Variants in PPIL6 observed in about 807,000 individuals in gnomAD.
PPIL6 encodes the protein probable inactive peptidyl-prolyl cis-trans isomerase-like 6.
Under a neutral mutation model 36.8 loss-of-function variants are expected in PPIL6, and 39 were observed. That is an observed-to-expected ratio of 1.06 (90% CI 0.82 to 1.38). The LOEUF is 1.38. Ranked by LOEUF, PPIL6 falls within the 40% of genes most tolerant of loss-of-function variation. The pLI, the probability that PPIL6 is intolerant of heterozygous loss-of-function variation, is 0.00. For synonymous variants in PPIL6, 123 were observed against 134.1 expected, an observed-to-expected ratio of 0.92 and a Z score of 0.57; for missense variants, 368 against 379.1, an observed-to-expected ratio of 0.97 and a Z score of 0.24.
chr6:109,403,784 C>CT (rs1196046444), intron 6 of PPIL6, among the ~76,000 whole-genome samples: 1 of 152,058 alleles, frequency 6.6e-6, no homozygotes, highest in Non-Finnish European at 1.5e-5. Context: ...TTGTGTTAAG[C>CT]TTAACAAAAG....
chr6:109,416,455 AG>A (rs777194977), intron 6 of PPIL6, among the ~76,000 whole-genome samples: 9 of 150,218 alleles, frequency 6.0e-5, no homozygotes, highest in Non-Finnish European at 1.0e-4. Flanking sequence ...CACCCGCCTC[AG>A]CCTCCCAAAG....
chr6:109,402,631 T>C (rs929604221), intron 6 of PPIL6, among the ~76,000 whole-genome samples: 1 of 152,158 alleles, frequency 6.6e-6, no homozygotes, highest in African/African-American at 2.4e-5. Context: ...GAACCATTGC[T>C]ATAAAGGGAC....
intron 5 of PPIL6, among the ~76,000 whole-genome samples, chr6:109,424,855 A>T (rs1773733213): frequency 6.6e-6 from 1 of 152,230 alleles, no homozygotes; most frequent in Admixed American, 6.5e-5. Flanking sequence ...GGAAGCATGA[A>T]TTATCCACCT....
chr6:109,412,512 C>T (rs1773058318), intron 6 of PPIL6, among the ~76,000 whole-genome samples: 1 of 152,132 alleles, frequency 6.6e-6, no homozygotes, highest in South Asian at 2.1e-4. Flanking sequence ...CTATAGTAAC[C>T]AAAACAGCAT....
At chr6:109,400,833 GTTTATT>G (rs1772498125) in intron 6 of PPIL6, among the ~76,000 whole-genome samples, 2 of 151,946 alleles carry the variant, frequency 1.3e-5, no homozygotes, top group South Asian at 4.1e-4. Flanking sequence ...GAAATTAATT[GTTTATT>G]TTTAGTGATC....
At chr6:109,439,185 A>G (rs917453112) in intron 1 of PPIL6, among the ~76,000 whole-genome samples, 5 of 152,088 alleles carry the variant, frequency 3.3e-5, no homozygotes, top group African/African-American at 1.2e-4. Flanking sequence ...AAAAAAAGAG[A>G]AAAAAAATCT....
At chr6:109,407,057 T>C (rs1263471893) in intron 6 of PPIL6, among the ~76,000 whole-genome samples, 1 of 152,204 alleles carries the variant, frequency 6.6e-6, no homozygotes, top group African/African-American at 2.4e-5. Context: ...CTGCCATTTC[T>C]CCCAGAGACT....
intron 6 of PPIL6, among the ~76,000 whole-genome samples, chr6:109,403,587 G>T (rs977603441): frequency 5.3e-5 from 8 of 152,124 alleles, no homozygotes; most frequent in African/African-American, 1.9e-4. Flanking sequence ...GATAAAGTAT[G>T]TGTGGGAACA....
At chr6:109,414,442 TTCATGTCTTGTA>T (rs1773150425) in intron 6 of PPIL6, among the ~76,000 whole-genome samples, 1 of 151,816 alleles carries the variant, frequency 6.6e-6, no homozygotes, top group Non-Finnish European at 1.5e-5. Flanking sequence ...TATGAGCTCT[TTCATGTCTTGTA>T]TCATTTTCTT....
intron 5 of PPIL6, among the ~76,000 whole-genome samples, chr6:109,425,736 C>A (rs1460042096): frequency 1.6e-5 from 2 of 128,430 alleles, no homozygotes; most frequent in Admixed American, 9.2e-5. Context: ...GGCGACAGAG[C>A]GAGACTCCGT....
At position 109,397,807 on chromosome 6, in the gene PPIL6, GA is replaced by G. The variant is rs368027391; in HGVS notation, c.824+2227del. 2.6e-3 allele frequency among the ~76,000 whole-genome samples: 402 copies of G among 152,144 alleles called. 2 individuals are homozygous for G. The highest frequency in any genetic ancestry group is 9.3e-3 in the African/African-American group (387 of 41,522). ...CACCAGGAAGTTGGTAGAGGACAGA[GA>G]CTGTCAGCAACATGACAGAGATTTA... On this transcript the variant is annotated intron_variant, in intron 7 of 7. Transcript: ENST00000521072.
chr6:109,420,257 C>T (rs952175428), intron 5 of PPIL6, among the ~76,000 whole-genome samples: 13 of 130,272 alleles, frequency 1.0e-4, no homozygotes, highest in Admixed American at 9.2e-5. Context: ...TGCTTGAATC[C>T]GGGAGGCAGA....
At chr6:109,441,097 C>G (rs367857542), upstream of PPIL6, 5 of 1,613,824 alleles carry the variant, frequency 3.1e-6, no homozygotes, top group African/African-American at 6.7e-5. Context: ...TTCGAGCCGC[C>G]TAGCGCCCCT....
At chr6:109,414,110 A>G (rs1773133629) in intron 6 of PPIL6, among the ~76,000 whole-genome samples, 1 of 152,208 alleles carries the variant, frequency 6.6e-6, no homozygotes, top group Non-Finnish European at 1.5e-5. Flanking sequence ...AAAGTGTATA[A>G]TTGGATTGTA....
chr6:109,440,768 C>T (rs1774820475), upstream of PPIL6: 1 of 339,286 alleles, frequency 2.9e-6, no homozygotes, highest in African/African-American at 2.2e-5. Context: ...CGCGGGCGGC[C>T]GCGACCGCCG....
chr6:109,431,371 A>AAAAC (rs1774149125), intron 2 of PPIL6, 26 bp from the exon 3 acceptor site: 12 of 1,542,052 alleles, frequency 7.8e-6, no homozygotes, highest in African/African-American at 4.2e-5. Flanking sequence ...ACAAAAAAAA[A>AAAAC]AAAAAACGTA....
At position 109,439,612 on chromosome 6, in the gene PPIL6, T is replaced by C. The variant is rs371568774; in HGVS notation, c.135+844A>G. On this transcript the variant is annotated intron_variant, in intron 1 of 7. Coordinates refer to ENST00000521072, the MANE Select transcript of PPIL6 (RefSeq NM_173672.5). ...TCTGCCTCCCAAAGTGCTGAGATTA[T>C]AGGCGTGAGTCACCGCGCCAAGATA... 2.6e-5 allele frequency among the ~76,000 whole-genome samples: 4 copies of C among 152,224 alleles called. No individual in the cohort carries two copies. In the South Asian group the frequency reaches 8.3e-4, roughly 32 times the overall value.
Position 109,392,612 on chromosome 6 carries a change from G to A in PPIL6, c.*214C>T. On this transcript the variant is annotated 3_prime_UTR_variant, in exon 8 of 8. Transcript: ENST00000521072. ...CCATCTCTCATGGCCACCCGTGGCT[G>A]CAAAGGAGTCTAGGAAATTGAGTAC... is the stretch of plus-strand genomic sequence containing the variant. 6.3e-6 allele frequency: 3 copies of A among 473,580 alleles called. No individual in the cohort carries two copies. Among genetic ancestry groups the A allele is most frequent in the Non-Finnish European group, 1.1e-5 (3 of 269,526 alleles). 29.3% of individuals were successfully genotyped at this position (473,580 alleles called of 1,614,324 possible).
intron 3 of PPIL6, among the ~76,000 whole-genome samples, chr6:109,427,758 GA>G (rs1773902316): frequency 6.6e-6 from 1 of 152,182 alleles, no homozygotes; most frequent in Non-Finnish European, 1.5e-5. Context: ...TCACAGGAGT[GA>G]AACACATGGC....
Sources: gnomAD v4.1 joint callset for allele counts (sites outside exome capture counted in the v4.1 genomes callset) on GRCh38, gnomAD v4.1.1 for gene constraint, MANE v1.5 for transcripts, NCBI Gene and HGNC (gene_info 2026-07-23, HGNC 2026-07-21) for gene names.